The following SAMMSON variants were observed in gnomAD, a reference collection of about 807,000 sequenced individuals.
SAMMSON encodes the protein long intergenic non-protein coding RNA 1212.
At chr3:70,116,297 T>TTC (rs1166165879) in intron 4 of SAMMSON, among the ~76,000 whole-genome samples, 2 of 150,762 alleles carry the variant, frequency 1.3e-5, no homozygotes, top group Non-Finnish European at 1.5e-5. Context: ...GCTTTCTTTT[T>TTC]TTTTTTTTTT....
intron 4 of SAMMSON, among the ~76,000 whole-genome samples, chr3:70,197,453 C>T (rs1211154361): frequency 6.6e-6 from 1 of 152,120 alleles, no homozygotes; most frequent in Admixed American, 6.5e-5. Context: ...TTTCTAAACT[C>T]CTTTATTTAC....
At chr3:70,415,440 G>C (rs1275860205) in intron 2 of SAMMSON, among the ~76,000 whole-genome samples, 1 of 152,110 alleles carries the variant, frequency 6.6e-6, no homozygotes, top group Non-Finnish European at 1.5e-5. Flanking sequence ...CTTAATGTCG[G>C]TGCCAACCTG....
intron 4 of SAMMSON, among the ~76,000 whole-genome samples, chr3:70,086,212 C>CT (rs1401817484): frequency 6.6e-6 from 1 of 152,148 alleles, no homozygotes; most frequent in Non-Finnish European, 1.5e-5. Flanking sequence ...GGGGCCATGG[C>CT]TTGCCTTCTC....
intron 2 of SAMMSON, among the ~76,000 whole-genome samples, chr3:70,415,078 G>A (rs1242307478): frequency 2.0e-5 from 3 of 151,944 alleles, no homozygotes; most frequent in African/African-American, 4.8e-5. Flanking sequence ...ATGAGGGGGG[G>A]TCCCAAGGGG....
chr3:70,047,587 G>A (rs1321160321), intron 3 of SAMMSON, among the ~76,000 whole-genome samples: 1 of 151,938 alleles, frequency 6.6e-6, no homozygotes. Flanking sequence ...GCCCACCTTG[G>A]CCTCTCAAAG....
intron 2 of SAMMSON, among the ~76,000 whole-genome samples, chr3:70,400,438 T>C (rs531823417): frequency 1.3e-5 from 2 of 152,296 alleles, no homozygotes; most frequent in South Asian, 4.1e-4. Context: ...TCTCTCACCA[T>C]GTGATCTCTG....
intron 7 of SAMMSON, among the ~76,000 whole-genome samples, chr3:70,339,526 G>A (rs1460212029): frequency 6.6e-6 from 1 of 152,042 alleles, no homozygotes; most frequent in Non-Finnish European, 1.5e-5. Context: ...CTAATATCCA[G>A]AATCTACAAA....
intron 7 of SAMMSON, among the ~76,000 whole-genome samples, chr3:70,336,227 C>CT (rs917646377): frequency 1.3e-5 from 2 of 151,960 alleles, no homozygotes; most frequent in Non-Finnish European, 2.9e-5. Context: ...CTTTGACTCT[C>CT]TAAGAACTAC....
intron 2 of SAMMSON, among the ~76,000 whole-genome samples, chr3:70,419,952 A>G (rs1489231311): frequency 6.6e-6 from 1 of 152,204 alleles, no homozygotes; most frequent in Non-Finnish European, 1.5e-5. Flanking sequence ...AGTTTTATAC[A>G]TAGAGTTTTT....
At chr3:70,055,236 A>G (rs569812329) in intron 3 of SAMMSON, among the ~76,000 whole-genome samples, 2 of 152,276 alleles carry the variant, frequency 1.3e-5, no homozygotes, top group African/African-American at 2.4e-5. Context: ...ATGGAGGAAT[A>G]TATACATATT....
At chr3:70,301,057 A>T (rs985187047) in intron 7 of SAMMSON, among the ~76,000 whole-genome samples, 3 of 152,062 alleles carry the variant, frequency 2.0e-5, no homozygotes, top group African/African-American at 7.2e-5. Context: ...GTTTTTCCTC[A>T]TTTAAAAAAG....
At chr3:70,019,678 C>T (rs1024188708) in intron 3 of SAMMSON, among the ~76,000 whole-genome samples, 14 of 152,260 alleles carry the variant, frequency 9.2e-5, no homozygotes, top group Admixed American at 6.5e-4. Context: ...TTCCTAGCAT[C>T]GACGGTCTTT....
intron 2 of SAMMSON, among the ~76,000 whole-genome samples, chr3:70,413,905 T>C (rs765017241): frequency 6.6e-6 from 1 of 152,134 alleles, no homozygotes; most frequent in Non-Finnish European, 1.5e-5. Flanking sequence ...ACCTTTACAG[T>C]CTGTCTAAAC....
At chr3:70,125,479 G>C in intron 4 of SAMMSON, 1 of 776,960 alleles carries the variant, frequency 1.3e-6, no homozygotes, top group South Asian at 1.5e-5. Context: ...TTTCATCAGA[G>C]TCTTTTTTAA....
At chr3:70,036,336 A>G (rs913351994) in intron 3 of SAMMSON, among the ~76,000 whole-genome samples, 2 of 152,110 alleles carry the variant, frequency 1.3e-5, no homozygotes, top group East Asian at 1.9e-4. Context: ...CCCAACATCT[A>G]TCTCATGTGT....
intron 4 of SAMMSON, among the ~76,000 whole-genome samples, chr3:70,143,776 G>C (rs1254234142): frequency 2.0e-5 from 3 of 152,054 alleles, no homozygotes; most frequent in Non-Finnish European, 4.4e-5. Context: ...ATTCTTTGTT[G>C]ATTTCCCTGA....
chr3:70,090,925 A>G (rs995457698), intron 4 of SAMMSON, among the ~76,000 whole-genome samples: 2 of 152,158 alleles, frequency 1.3e-5, no homozygotes, highest in Non-Finnish European at 2.9e-5. Context: ...ATATTATTAG[A>G]AATCCTTTCT....
chr3:70,147,605 GC>G (rs1382456321), intron 4 of SAMMSON, among the ~76,000 whole-genome samples: 1 of 152,028 alleles, frequency 6.6e-6, no homozygotes, highest in Admixed American at 6.6e-5. Flanking sequence ...AAAACCATAT[GC>G]AAGAAAATAA....
At chr3:70,075,791 A>G (rs1463490227) in intron 4 of SAMMSON, among the ~76,000 whole-genome samples, 1 of 151,928 alleles carries the variant, frequency 6.6e-6, no homozygotes, top group Non-Finnish European at 1.5e-5. Context: ...GAGCTCCTGG[A>G]TGTAGCTATA....
Sources: gnomAD v4.1 joint callset for allele counts (sites outside exome capture counted in the v4.1 genomes callset) on GRCh38, gnomAD v4.1.1 for gene constraint, MANE v1.5 for transcripts, NCBI Gene and HGNC (gene_info 2026-07-23, HGNC 2026-07-21) for gene names.